The following LRRTM3 variants were observed in gnomAD, a reference collection of about 807,000 sequenced individuals.
LRRTM3 encodes leucine rich repeat transmembrane neuronal 3, also known as leucine-rich repeat transmembrane neuronal protein 3.
LRRTM3 carries 24 observed loss-of-function variants against 44.7 expected under a neutral mutation model. The ratio of observed to expected loss-of-function variants is 0.54; its 90% CI spans 0.39 to 0.76. LRRTM3 has a LOEUF of 0.76. Among genes scored for constraint, LRRTM3 ranks in the 30% least tolerant of loss-of-function variants. The pLI, the probability that LRRTM3 is intolerant of heterozygous loss-of-function variation, is 0.00. For synonymous variants in LRRTM3, 277 were observed against 278.7 expected, an observed-to-expected ratio of 0.99 and a Z score of 0.06; for missense variants, 587 against 702.2, an observed-to-expected ratio of 0.84 and a Z score of 1.85.
At chr10:67,017,196 A>C (rs563160948) in intron 2 of LRRTM3, among the ~76,000 whole-genome samples, 2 of 152,214 alleles carry the variant, frequency 1.3e-5, no homozygotes, top group Admixed American at 6.5e-5. Flanking sequence ...AAGTGTTTTC[A>C]GGTCCATTTA....
intron 2 of LRRTM3, among the ~76,000 whole-genome samples, chr10:67,033,555 TA>T (rs1333518828): frequency 6.6e-6 from 1 of 152,238 alleles, no homozygotes; most frequent in African/African-American, 2.4e-5. Context: ...CTACTACTTA[TA>T]ACACACATAG....
intron 2 of LRRTM3, among the ~76,000 whole-genome samples, chr10:66,988,005 C>G (rs1348891577): frequency 6.6e-6 from 1 of 152,044 alleles, no homozygotes; most frequent in African/African-American, 2.4e-5. Context: ...TAATCATATG[C>G]TTTAGTATCA....
intron 2 of LRRTM3, among the ~76,000 whole-genome samples, chr10:67,063,902 T>G (rs996078456): frequency 1.3e-5 from 2 of 152,176 alleles, no homozygotes; most frequent in African/African-American, 4.8e-5. Context: ...AGAAGGAAAC[T>G]GATTTGATAT....
Position 66,955,320 on chromosome 10 carries a change from T to C in LRRTM3, c.1536+26868T>C, listed in dbSNP as rs1285378645. The stretch of plus-strand genomic sequence containing the variant: ...ATCATTGTATCATGACTCTGAATAA[T>C]ATCTATCAATTACTGATTACTCACT... On this transcript the variant is annotated intron_variant, in intron 2 of 2. Transcript: ENST00000361320. Among the ~76,000 whole-genome samples the C allele has an allele frequency of 2.6e-5, 4 of 152,278 alleles. No homozygotes were observed. The East Asian group carries it at 5.8e-4, about 22-fold the overall frequency.
intron 2 of LRRTM3, among the ~76,000 whole-genome samples, chr10:67,062,809 A>G (rs533661540): frequency 5.9e-5 from 9 of 152,298 alleles, no homozygotes; most frequent in Non-Finnish European, 1.2e-4. Context: ...GCAGATGAGA[A>G]AGAAAAATTA....
chr10:67,012,078 C>A (rs1263930461), intron 2 of LRRTM3, among the ~76,000 whole-genome samples: 1 of 152,166 alleles, frequency 6.6e-6, no homozygotes, highest in African/African-American at 2.4e-5. Context: ...ATCACAAGCT[C>A]CGTAGATACA....
At chr10:66,965,362 C>G (rs1195522696) in intron 2 of LRRTM3, among the ~76,000 whole-genome samples, 1 of 151,848 alleles carries the variant, frequency 6.6e-6, no homozygotes, top group Non-Finnish European at 1.5e-5. Context: ...TGGTGAAACC[C>G]TGTCTCTACT....
At chr10:67,001,170 G>A (rs879532634) in intron 2 of LRRTM3, among the ~76,000 whole-genome samples, 1 of 151,104 alleles carries the variant, frequency 6.6e-6, no homozygotes, top group Admixed American at 6.6e-5. Flanking sequence ...GGGTGGTGGT[G>A]TGTGCCTGTA....
rs931079500 is a variant in LRRTM3 at position 66,927,307 on chromosome 10, C to A, written c.391C>A (p.Pro131Thr). The change falls in exon 2 of 3, where the codon CCT becomes ACT. Residue 131 changes from proline (P) to threonine (T), a missense_variant. Around this residue, in one of 3 missense-constraint regions of LRRTM3, gnomAD observed 222 missense variants for 323.3 expected, o/e 0.69. Coordinates refer to ENST00000361320, the MANE Select transcript of LRRTM3 (RefSeq NM_178011.5). This position sits in a 1 kb window ranked among gnomAD's most constrained non-coding sequence, Gnocchi z 4.7. The stretch of plus-strand genomic sequence containing the variant: ...CTATTTTCTTAACAATACCTTCAGA[C>A]CTGTGACAAATTTACGGAACTTGGA... Reference protein sequence around the residue: ...ISYFLNNTFRPVTNLRNLDLS... With the variant: ...ISYFLNNTFRTVTNLRNLDLS... The A allele has an allele frequency of 2.5e-6, 4 of 1,614,014 alleles. No individual in the cohort carries two copies. Among genetic ancestry groups the A allele is most frequent in the African/African-American group, 1.3e-5 (1 of 74,914 alleles).
intron 2 of LRRTM3, among the ~76,000 whole-genome samples, chr10:66,969,102 CTTTA>C: frequency 6.6e-6 from 1 of 151,838 alleles, no homozygotes; most frequent in Non-Finnish European, 1.5e-5. Context: ...ACATCCATTG[CTTTA>C]TTTTCTGACT....
intron 2 of LRRTM3, among the ~76,000 whole-genome samples, chr10:66,985,899 T>C (rs1161635692): frequency 6.6e-6 from 1 of 152,014 alleles, no homozygotes; most frequent in Non-Finnish European, 1.5e-5. Flanking sequence ...AGCTAATTTT[T>C]GTATTTTTAG....
intron 2 of LRRTM3, among the ~76,000 whole-genome samples, chr10:67,021,084 C>T (rs923791817): frequency 1.8e-4 from 27 of 152,086 alleles, no homozygotes; most frequent in African/African-American, 5.8e-4. Context: ...TGATTATATA[C>T]ATTTTGTAAC....
At chr10:66,941,003 C>T (rs1240537607) in intron 2 of LRRTM3, among the ~76,000 whole-genome samples, 2 of 152,160 alleles carry the variant, frequency 1.3e-5, no homozygotes, top group South Asian at 2.1e-4. Flanking sequence ...ATTAAACCTT[C>T]TCCACCTGTA....
chr10:67,052,415 C>T (rs1297211375), intron 2 of LRRTM3, among the ~76,000 whole-genome samples: 1 of 151,434 alleles, frequency 6.6e-6, no homozygotes, highest in Non-Finnish European at 1.5e-5. Context: ...CTAGGCTGTC[C>T]CTTCTTAGGC....
chr10:66,966,354 C>G (rs1357157383), intron 2 of LRRTM3, among the ~76,000 whole-genome samples: 1 of 151,856 alleles, frequency 6.6e-6, no homozygotes, highest in Non-Finnish European at 1.5e-5. Context: ...CTAACTAATC[C>G]TAAAAGACTT....
chr10:66,928,465 GT>G lies in LRRTM3; in HGVS notation c.1536+14del. ...CAGGGAGTGTGAGGTATGAACCATT[GT>G]GATAAAAAGAGCTCTTAAAAGCTGG... On this transcript the variant is annotated intron_variant, in intron 2 of 2. Transcript: ENST00000361320. 6.4e-7 allele frequency: 1 copy of G among 1,569,996 alleles called. No individual in the cohort carries two copies. The highest frequency in any genetic ancestry group is 8.6e-7 in the Non-Finnish European group (1 of 1,161,826).
At chr10:67,030,920 C>T (rs1376954198) in intron 2 of LRRTM3, among the ~76,000 whole-genome samples, 1 of 152,162 alleles carries the variant, frequency 6.6e-6, no homozygotes, top group African/African-American at 2.4e-5. Flanking sequence ...AGGAGAATTG[C>T]TTGAACCCGA....
rs764024024 is a variant in LRRTM3, at chr10:66,926,965, G to C, written c.49G>C (p.Val17Leu). The change falls in exon 2 of 3, where the codon GTT (valine) becomes CTT (leucine). Residue 17 changes from valine to leucine, a missense_variant. Physicochemically the swap from Val to Leu is conservative, Grantham distance 32. Transcript: ENST00000361320. Reference sequence around the variant, plus strand: ...ACTGAGCGGATCAGCTGTAGCACTGGTTATAGCCCCCACTGTCTTACTGAC... The same window carrying C: ...ACTGAGCGGATCAGCTGTAGCACTGCTTATAGCCCCCACTGTCTTACTGAC... ...RLLSGSAVAL[V>L]IAPTVLLTML... 1 of 1,613,918 alleles carries C rather than the reference G, an allele frequency of 6.2e-7. No individual in the cohort carries two copies. Among genetic ancestry groups the C allele is most frequent in the Non-Finnish European group, 8.5e-7 (1 of 1,179,926 alleles).
Position 67,098,890 on chromosome 10 carries a change from T to G in LRRTM3, c.*1094T>G, listed in dbSNP as rs567280146. On this transcript the variant is annotated 3_prime_UTR_variant, in exon 3 of 3. Coordinates refer to ENST00000361320, the MANE Select transcript of LRRTM3 (RefSeq NM_178011.5). ...CCTGGTTCTTAAGACAACTTTTTAT[T>G]TAGAACTGTGAGACCGGTATTTTGG... 4.5e-4 allele frequency: 68 copies of G among 152,012 alleles called. No individual in the cohort carries two copies. Among genetic ancestry groups the G allele is most frequent in the African/African-American group, 1.6e-3 (65 of 41,528 alleles). The allele number at this position is 152,012 out of a possible 1,614,324, so 9.4% of individuals were successfully genotyped here. A position where few individuals can be genotyped will look rare whatever the true frequency, so the allele number is the denominator to read the frequency against.
Sources: allele counts gnomAD v4.1 joint callset (sites outside exome capture counted in the v4.1 genomes callset), GRCh38; gene constraint gnomAD v4.1.1; regional missense constraint gnomAD v4.1.1; non-coding constraint Gnocchi (gnomAD v3.1); transcripts MANE v1.5; gene names NCBI Gene and HGNC (gene_info 2026-07-23, HGNC 2026-07-21).